Variants in ZNF91 observed in about 807,000 individuals in gnomAD.
ZNF91 encodes the protein zinc finger protein 91.
A neutral mutation model predicts 12.6 loss-of-function variants in ZNF91; 7 were observed. That is an observed-to-expected ratio of 0.55 (90% confidence interval 0.31 to 1.04). The LOEUF is 1.04. ZNF91 is among the 50% of genes least tolerant of loss of function. ZNF91 has a pLI of 0.05. For missense variants in ZNF91, 1,217 were observed against 1,385.4 expected, an observed-to-expected ratio of 0.88 and a Z score of 1.93; for synonymous variants, 453 against 462.6, an observed-to-expected ratio of 0.98 and a Z score of 0.27.
At chr19:23,307,524 T>C (rs1181284280) in intron 2 of ZNF91, 1 of 152,280 alleles carries the variant, frequency 6.6e-6, no homozygotes, top group Non-Finnish European at 1.5e-5. Flanking sequence ...AATGATGTGA[T>C]TCTCTTTTTC....
chr19:23,346,620 T>C (rs560371518), intron 3 of ZNF91, among the ~76,000 whole-genome samples: 51 of 152,214 alleles, frequency 3.4e-4, no homozygotes, highest in African/African-American at 1.2e-3. Context: ...TCTATACCGA[T>C]GAATGGTGTG....
At chr19:23,388,605 C>T (rs1408139651) in intron 1 of ZNF91, among the ~76,000 whole-genome samples, 2 of 152,204 alleles carry the variant, frequency 1.3e-5, no homozygotes, top group Non-Finnish European at 2.9e-5. Flanking sequence ...AATGCAGTGG[C>T]TCACGCCTGT....
chr19:23,321,166 A>G (rs897763057), intron 1 of ZNF91, among the ~76,000 whole-genome samples: 1 of 152,174 alleles, frequency 6.6e-6, no homozygotes, highest in Non-Finnish European at 1.5e-5. Context: ...CATACGCCTC[A>G]GCCAAACACC....
At chr19:23,351,179 G>T (rs1318111778) in intron 3 of ZNF91, among the ~76,000 whole-genome samples, 1 of 152,070 alleles carries the variant, frequency 6.6e-6, no homozygotes, top group Non-Finnish European at 1.5e-5. Flanking sequence ...ACAAAAATTA[G>T]CTGGGCATGA....
chr19:23,317,187 A>G (rs1291294900), intron 1 of ZNF91, among the ~76,000 whole-genome samples: 4 of 152,052 alleles, frequency 2.6e-5, no homozygotes, highest in African/African-American at 7.2e-5. Flanking sequence ...CTGGGACTAC[A>G]GGCACCCGCC....
At chr19:23,368,016 T>C (rs1376410580) in intron 3 of ZNF91, among the ~76,000 whole-genome samples, 3 of 151,964 alleles carry the variant, frequency 2.0e-5, no homozygotes, top group Non-Finnish European at 4.4e-5. Context: ...TTCAAGCGAT[T>C]ACCCTGCCTC....
chr19:23,318,205 T>C (rs1967610271), intron 1 of ZNF91, among the ~76,000 whole-genome samples: 1 of 152,220 alleles, frequency 6.6e-6, no homozygotes, highest in Admixed American at 6.5e-5. Flanking sequence ...TTCTCCTGTC[T>C]GTACCCTGCC....
intron 1 of ZNF91, among the ~76,000 whole-genome samples, chr19:23,332,599 C>T (rs1256172949): frequency 6.6e-6 from 1 of 152,154 alleles, no homozygotes; most frequent in Non-Finnish European, 1.5e-5. Context: ...CTGTTAGGCA[C>T]ATCAAGCGAA....
intron 1 of ZNF91, among the ~76,000 whole-genome samples, chr19:23,375,997 C>T (rs1457458457): frequency 6.6e-6 from 1 of 152,168 alleles, no homozygotes; most frequent in African/African-American, 2.4e-5. Flanking sequence ...CCGTGTTCTA[C>T]AATTTTTAAT....
At chr19:23,341,372 T>C (rs1265906270) in intron 3 of ZNF91, among the ~76,000 whole-genome samples, 1 of 152,068 alleles carries the variant, frequency 6.6e-6, no homozygotes, top group Non-Finnish European at 1.5e-5. Context: ...GATTCAGAAA[T>C]CTCATCATTG....
rs1968536374 is a variant in ZNF91, at chr19:23,357,965, A to G, written c.*1438T>C. 6.6e-6 allele frequency: 1 copy of G among 152,214 alleles called. No homozygotes were observed. Among genetic ancestry groups the G allele is most frequent in the African/African-American group, 2.4e-5 (1 of 41,468 alleles). The allele number at this position is 152,214 out of a possible 1,614,324, so 9.4% of individuals were successfully genotyped here. A position where few individuals can be genotyped will look rare whatever the true frequency, so the allele number is the denominator to read the frequency against. On this transcript the variant is annotated 3_prime_UTR_variant, in exon 4 of 4. Coordinates refer to ENST00000300619, the MANE Select transcript of ZNF91 (RefSeq NM_003430.4). ...CAAAAATTAAGTCAAATACATTTAA[A>G]TGAGAAAATAAAAATAAAAATTTAG...
rs532254646 is a variant in ZNF91, at chr19:23,359,246, G to A, written c.*157C>T. Reference sequence around the variant, plus strand: ...ATTTTCTTTTTTTTTTTTTTGAGACGGAGTCTCGCTCTGTCGCCCAGGCTT... The same window carrying A: ...ATTTTCTTTTTTTTTTTTTTGAGACAGAGTCTCGCTCTGTCGCCCAGGCTT... On this transcript the variant is annotated 3_prime_UTR_variant, in exon 4 of 4. Coordinates refer to ENST00000300619, the MANE Select transcript of ZNF91 (RefSeq NM_003430.4). The A allele has an allele frequency of 1.7e-5, 6 of 352,864 alleles. No individual in the cohort carries two copies. The highest frequency in any genetic ancestry group is 1.0e-4 in the South Asian group (3 of 29,618). The allele number at this position is 352,864 out of a possible 1,614,324, so 21.9% of individuals were successfully genotyped here.
chr19:23,394,706 CGA>C (rs143699872), intron 1 of ZNF91, among the ~76,000 whole-genome samples: 3,409 of 152,184 alleles, frequency 0.022, 50 homozygotes, highest in Middle Eastern at 0.044. Context: ...CCAGCCCGCG[CGA>C]GAGAGCAAAA....
downstream of ZNF91, among the ~76,000 whole-genome samples, chr19:23,334,709 G>A (rs527820739): frequency 6.6e-6 from 1 of 152,084 alleles, no homozygotes; most frequent in Non-Finnish European, 1.5e-5. Flanking sequence ...CAAAAACATT[G>A]AATATGAACA....
chr19:23,363,534 C>T (rs550971735), intron 3 of ZNF91, among the ~76,000 whole-genome samples: 100 of 152,228 alleles, frequency 6.6e-4, no homozygotes, highest in African/African-American at 2.3e-3. Flanking sequence ...TGAGAAATTC[C>T]CATAATCATT....
chr19:23,395,414 A>T lies in ZNF91; in HGVS notation c.-60T>A, dbSNP rs375331021. 1.9e-4 allele frequency: 299 copies of T among 1,600,308 alleles called. No homozygotes were observed. The African/African-American group carries it at 3.5e-3, about 19-fold the overall frequency. The stretch of plus-strand genomic sequence containing the variant: ...GGGCCACACAGGCTGGGCCTCCTGG[A>T]GCAGAGGACACAGAGCAGTGAAGTC... On this transcript the variant is annotated 5_prime_UTR_variant, in exon 1 of 4. Coordinates refer to ENST00000300619, the MANE Select transcript of ZNF91 (RefSeq NM_003430.4).
At chr19:23,338,829 G>A (rs1236168817) in exon 4 of ZNF91, 1 of 152,084 alleles carries the variant, frequency 6.6e-6, no homozygotes, top group African/African-American at 2.4e-5. Flanking sequence ...TGAGGTGAGG[G>A]TATCACGAGG....
chr19:23,383,265 C>A (rs11085578), intron 1 of ZNF91, among the ~76,000 whole-genome samples: 28,671 of 152,158 alleles, frequency 0.19, 2,928 homozygotes, highest in Non-Finnish European at 0.21. Flanking sequence ...TCAGTAGATG[C>A]AGAAAAAGCT....
At position 23,380,031 on chromosome 19, in the gene ZNF91, C is replaced by G. The variant is rs1374429486; in HGVS notation, c.31-5267G>C. Among the ~76,000 whole-genome samples the G allele has an allele frequency of 1.4e-4, 22 of 152,024 alleles. No individual in the cohort carries two copies. The East Asian group carries it at 4.3e-3, about 29-fold the overall frequency. On this transcript the variant is annotated intron_variant, in intron 1 of 3. Coordinates refer to ENST00000300619, the MANE Select transcript of ZNF91 (RefSeq NM_003430.4). ...CAGCACTTTAGGAGGTTGAGGTGGGCAGATCATGAGGTCAAGAGTTCAAGA... is the reference window on the plus strand; with the variant it reads ...CAGCACTTTAGGAGGTTGAGGTGGGGAGATCATGAGGTCAAGAGTTCAAGA...
Sources: allele counts gnomAD v4.1 joint callset (sites outside exome capture counted in the v4.1 genomes callset), GRCh38; gene constraint gnomAD v4.1.1; transcripts MANE v1.5; gene names NCBI Gene and HGNC (gene_info 2026-07-23, HGNC 2026-07-21).